LRRC7: variants seen among roughly 807,000 people sequenced by gnomAD.
LRRC7 encodes the protein leucine rich repeat containing 7, also known as leucine-rich repeat-containing protein 7.
In LRRC7, 23 loss-of-function variants were observed where a neutral mutation model predicts 175.7. The ratio of observed to expected loss-of-function variants is 0.13; its 90% CI spans 0.09 to 0.19. LRRC7 has a LOEUF of 0.19. LRRC7 is among the 10% of genes least tolerant of loss of function. The probability of loss-of-function intolerance (pLI) is 1.00; values close to 1 mark genes in which losing one functional copy is unlikely to be tolerated. For synonymous variants in LRRC7, 685 were observed against 680.9 expected (o/e 1.01, Z -0.09); for missense variants, 1,354 against 1,904.7 (o/e 0.71, Z 5.38).
At chr1:69,981,344 A>G (rs2101889593) in intron 9 of LRRC7, among the ~76,000 whole-genome samples, 1 of 152,334 alleles carries the variant, frequency 6.6e-6, no homozygotes, top group African/African-American at 2.4e-5. Context: ...AACCAACAAG[A>G]ACAAGACATT....
At chr1:69,877,947 G>A (rs894272983) in intron 7 of LRRC7, among the ~76,000 whole-genome samples, 1 of 152,160 alleles carries the variant, frequency 6.6e-6, no homozygotes. Context: ...AGGATGTGGT[G>A]TGAGACTATC....
At chr1:70,038,051 T>C in intron 20 of LRRC7, 62 bp from the exon 21 acceptor site, 1 of 1,526,320 alleles carries the variant, frequency 6.6e-7, no homozygotes, top group East Asian at 2.3e-5. Context: ...CTGCTTGTTC[T>C]CTTTCTGCCA....
intron 8 of LRRC7, among the ~76,000 whole-genome samples, chr1:69,963,740 T>C (rs1279152446): frequency 6.6e-6 from 1 of 152,190 alleles, no homozygotes; most frequent in African/African-American, 2.4e-5. Flanking sequence ...AAGTTTGCGG[T>C]ATAGGTGGAG....
intron 8 of LRRC7, among the ~76,000 whole-genome samples, chr1:69,979,578 A>C (rs1039434945): frequency 6.6e-5 from 10 of 152,062 alleles, no homozygotes; most frequent in African/African-American, 2.4e-4. Context: ...TCTCCCCTAG[A>C]TCTAGATCTA....
intron 1 of LRRC7, among the ~76,000 whole-genome samples, chr1:69,668,568 C>T (rs1028603312): frequency 6.6e-6 from 1 of 152,092 alleles, no homozygotes; most frequent in East Asian, 1.9e-4. Context: ...GGGTTGGTTC[C>T]AAGTCTTCGC....
At chr1:69,932,762 T>C (rs1482475922) in intron 8 of LRRC7, among the ~76,000 whole-genome samples, 2 of 152,168 alleles carry the variant, frequency 1.3e-5, no homozygotes, top group Admixed American at 6.5e-5. Context: ...CTCCCTAAGA[T>C]GGAATTTGGG....
chr1:69,737,787 G>T (rs541878818), intron 2 of LRRC7, among the ~76,000 whole-genome samples: 1 of 152,084 alleles, frequency 6.6e-6, no homozygotes, highest in Non-Finnish European at 1.5e-5. Flanking sequence ...TCTTGTGGTT[G>T]TGTCTTTTCC....
In LRRC7 at chr1:70,143,875, A is replaced by G. The variant is rs1449557130; in HGVS notation, c.*21988A>G. ...TTTTGTATGTGTTAAAAAGACTACT[A>G]TATCACAATTAAAAGTACTTTTTAG... On this transcript the variant is annotated 3_prime_UTR_variant, in exon 27 of 27. Transcript: ENST00000651989. 1 of 152,180 alleles carries G rather than the reference A, an allele frequency of 6.6e-6. No homozygotes were observed. Among genetic ancestry groups the G allele is most frequent in the African/African-American group, 2.4e-5 (1 of 41,418 alleles). 9.4% of individuals were successfully genotyped at this position (152,180 alleles called of 1,614,324 possible).
At chr1:69,832,303 T>A (rs1041682813) in intron 5 of LRRC7, among the ~76,000 whole-genome samples, 3 of 152,110 alleles carry the variant, frequency 2.0e-5, no homozygotes, top group Admixed American at 1.3e-4. Flanking sequence ...AGAGGGACAT[T>A]AATTCCATGG....
chr1:69,716,475 TCTTATTTTTAGAGCCCCTAATTCAATA>T (rs1348862802), intron 2 of LRRC7, among the ~76,000 whole-genome samples: 1 of 151,870 alleles, frequency 6.6e-6, no homozygotes, highest in Non-Finnish European at 1.5e-5. Flanking sequence ...CTCTCTCAGG[TCTTATTTTTAGAGCCCCTAATTCAATA>T]CTTATTCCTT....
chr1:69,866,149 A>G lies in LRRC7; in HGVS notation c.647+27866A>G, dbSNP rs551213312. ...TGGAAAGGAAGAGCCCAGGAGGGTG[A>G]GTCTTCTAATGATAAAGGTTTGTTG... On this transcript the variant is annotated intron_variant, in intron 7 of 26. Coordinates refer to ENST00000651989, the MANE Select transcript of LRRC7 (RefSeq NM_001370785.2). Among the ~76,000 whole-genome samples the G allele has an allele frequency of 7.4e-4, 112 of 152,318 alleles. 2 individuals carry two copies. The highest frequency in any genetic ancestry group is 1.3e-3 in the Non-Finnish European group (87 of 68,022).
At chr1:69,691,504 A>C (rs1661856661) in intron 2 of LRRC7, among the ~76,000 whole-genome samples, 1 of 152,182 alleles carries the variant, frequency 6.6e-6, no homozygotes, top group Admixed American at 6.5e-5. Flanking sequence ...TGAATTATAA[A>C]GGATACAACT....
intron 8 of LRRC7, among the ~76,000 whole-genome samples, chr1:69,974,191 A>G (rs957431241): frequency 1.3e-5 from 2 of 152,208 alleles, no homozygotes; most frequent in South Asian, 2.1e-4. Context: ...ACATAAAAAT[A>G]TAGATAATTC....
rs1666748277 is a variant in LRRC7 at position 70,133,294 on chromosome 1, C to T, written c.*11407C>T. 1.3e-5 allele frequency among the ~76,000 whole-genome samples: 2 copies of T among 152,010 alleles called. No homozygotes were observed. Among genetic ancestry groups the T allele is most frequent in the Non-Finnish European group, 1.5e-5 (1 of 68,006 alleles). ...GGAGTGCAGTGGCGCGATCTCGGCTCACTGCAACCTCCACCTCCTGGGTTC... is the reference window on the plus strand; with the variant it reads ...GGAGTGCAGTGGCGCGATCTCGGCTTACTGCAACCTCCACCTCCTGGGTTC... On this transcript the variant is annotated 3_prime_UTR_variant, in exon 27 of 27. Transcript: ENST00000651989.
intron 3 of LRRC7, among the ~76,000 whole-genome samples, chr1:69,781,763 G>GAAAGAA (rs1378031577): frequency 5.1e-5 from 2 of 39,224 alleles, no homozygotes; most frequent in African/African-American, 1.6e-4. Flanking sequence ...GAGAGAGAGA[G>GAAAGAA]AGAAAGAAAG....
At chr1:69,902,923 A>T (rs1646179317) in intron 7 of LRRC7, among the ~76,000 whole-genome samples, 1 of 152,180 alleles carries the variant, frequency 6.6e-6, no homozygotes, top group African/African-American at 2.4e-5. Context: ...AGTTTTCATT[A>T]TGAGGCACAT....
rs1033219518 is a variant in LRRC7, at chr1:69,663,768, G to C, written c.3-14613G>C. Among the ~76,000 whole-genome samples, 10 of 124,012 alleles carry C rather than the reference G, an allele frequency of 8.1e-5. No homozygotes were observed. In the South Asian group the frequency reaches 1.0e-3, roughly 13 times the overall value. The allele number at this position is 124,012 out of a possible 152,430, so 81.4% of individuals were successfully genotyped here. A position where few individuals can be genotyped will look rare whatever the true frequency, so the allele number is the denominator to read the frequency against. ...CTCGCTCTGTCGCCCAGGCCGGACT[G>C]CCGACTGCAGTGGCGCAATCTCAGC... On this transcript the variant is annotated intron_variant, in intron 1 of 26. Coordinates refer to ENST00000651989, the MANE Select transcript of LRRC7 (RefSeq NM_001370785.2).
At chr1:70,033,806 C>T (rs1312298563) in intron 18 of LRRC7, among the ~76,000 whole-genome samples, 2 of 151,948 alleles carry the variant, frequency 1.3e-5, no homozygotes, top group African/African-American at 4.8e-5. Context: ...TGTTAACATT[C>T]TGTACTTGTA....
chr1:69,974,423 A>C lies in LRRC7; in HGVS notation c.712-5956A>C, dbSNP rs190467919. Among the ~76,000 whole-genome samples, 53 of 152,306 alleles carry C rather than the reference A, an allele frequency of 3.5e-4. 4 individuals carry two copies. The highest frequency in any genetic ancestry group is 2.9e-3 in the Admixed American group (44 of 15,296). ...ATATTTGAAAATGTTTTCCAAAAAA[A>C]TTACAGTTTATAATCTCAAAACCCA... On this transcript the variant is annotated intron_variant, in intron 8 of 26. Coordinates refer to ENST00000651989, the MANE Select transcript of LRRC7 (RefSeq NM_001370785.2).
Sources: gnomAD v4.1 joint callset for allele counts (sites outside exome capture counted in the v4.1 genomes callset) on GRCh38, gnomAD v4.1.1 for gene constraint, MANE v1.5 for transcripts, NCBI Gene and HGNC (gene_info 2026-07-23, HGNC 2026-07-21) for gene names.